Variants in SNX29 observed in about 807,000 individuals in gnomAD.
SNX29 encodes sorting nexin-29.
A neutral mutation model predicts 102.1 loss-of-function variants in SNX29; 78 were observed. The ratio of observed to expected loss-of-function variants is 0.76; its 90% CI spans 0.64 to 0.92. SNX29 has a LOEUF of 0.92. Ranked by LOEUF, SNX29 falls within the 40% of genes least tolerant of loss-of-function variation. The pLI is 0.00. For synonymous variants in SNX29, 580 were observed against 414.5 expected, an observed-to-expected ratio of 1.40 and a Z score of -4.85; for missense variants, 1,280 against 1,061.7, an observed-to-expected ratio of 1.21 and a Z score of -2.86.
intron 11 of SNX29, among the ~76,000 whole-genome samples, chr16:12,119,020 A>G (rs774396660): frequency 6.6e-6 from 1 of 152,188 alleles, no homozygotes; most frequent in Non-Finnish European, 1.5e-5. Flanking sequence ...CAGAACTCAT[A>G]CTTTAGGACA....
chr16:12,203,687 T>G (rs2141992911), intron 14 of SNX29, among the ~76,000 whole-genome samples: 1 of 152,324 alleles, frequency 6.6e-6, no homozygotes, highest in Non-Finnish European at 1.5e-5. Context: ...GTTGTTCTTG[T>G]GGAGGTCTTT....
At chr16:12,298,005 A>C (rs2080039005) in intron 15 of SNX29, among the ~76,000 whole-genome samples, 1 of 152,178 alleles carries the variant, frequency 6.6e-6, no homozygotes, top group East Asian at 1.9e-4. Flanking sequence ...GCCTGTCTCT[A>C]CTAAAAATAC....
chr16:12,342,709 G>A (rs1379077106), intron 15 of SNX29, among the ~76,000 whole-genome samples: 1 of 152,166 alleles, frequency 6.6e-6, no homozygotes, highest in South Asian at 2.1e-4. Context: ...AGAAACTGAG[G>A]TCCAGAGAGG....
At chr16:12,503,899 G>T (rs1415066965) in intron 19 of SNX29, among the ~76,000 whole-genome samples, 3 of 152,146 alleles carry the variant, frequency 2.0e-5, no homozygotes, top group Non-Finnish European at 4.4e-5. Context: ...GTTTTATTAA[G>T]ATAAAATTCA....
intron 1 of SNX29, among the ~76,000 whole-genome samples, chr16:11,980,193 G>C (rs1314577693): frequency 6.6e-6 from 1 of 152,016 alleles, no homozygotes; most frequent in African/African-American, 2.4e-5. Flanking sequence ...CAGACCCTGG[G>C]AACCACTCAT....
At chr16:12,538,690 C>G (rs775592448) in intron 20 of SNX29, among the ~76,000 whole-genome samples, 1 of 152,072 alleles carries the variant, frequency 6.6e-6, no homozygotes, top group African/African-American at 2.4e-5. Context: ...CTCCCAGGAC[C>G]AGTGGGCGAG....
At chr16:12,506,491 G>C (rs2089384893) in intron 19 of SNX29, among the ~76,000 whole-genome samples, 1 of 152,160 alleles carries the variant, frequency 6.6e-6, no homozygotes, top group Admixed American at 6.5e-5. Flanking sequence ...AAGAAGAAAA[G>C]TTATCTATTA....
At chr16:12,301,493 G>A (rs1011348682) in intron 15 of SNX29, among the ~76,000 whole-genome samples, 5 of 152,200 alleles carry the variant, frequency 3.3e-5, no homozygotes, top group African/African-American at 7.2e-5. Flanking sequence ...CAGTGTCACC[G>A]CCTCAGTGAG....
chr16:12,469,600 G>T (rs58463230), intron 18 of SNX29, among the ~76,000 whole-genome samples: 2 of 152,158 alleles, frequency 1.3e-5, no homozygotes, highest in Non-Finnish European at 2.9e-5. Flanking sequence ...AAAAGATGTG[G>T]TATAGGCTTT....
chr16:12,065,328 G>A (rs535142977), intron 9 of SNX29, among the ~76,000 whole-genome samples: 25 of 152,274 alleles, frequency 1.6e-4, no homozygotes, highest in African/African-American at 6.0e-4. Flanking sequence ...TTGCAAGGAA[G>A]GGAGAGCTAC....
intron 20 of SNX29, among the ~76,000 whole-genome samples, chr16:12,549,431 G>T (rs189114180): frequency 6.6e-6 from 1 of 152,208 alleles, no homozygotes; most frequent in Non-Finnish European, 1.5e-5. Flanking sequence ...GGAGGTGGAG[G>T]TTGCAGTGAC....
chr16:12,550,765 G>A (rs942019879), intron 20 of SNX29, among the ~76,000 whole-genome samples: 8 of 150,608 alleles, frequency 5.3e-5, no homozygotes, highest in Non-Finnish European at 1.2e-4. Context: ...AGTTGAAAAA[G>A]TGTAGAGGCT....
intron 20 of SNX29, among the ~76,000 whole-genome samples, chr16:12,548,900 A>T (rs1341847744): frequency 6.6e-6 from 1 of 152,074 alleles, no homozygotes; most frequent in African/African-American, 2.4e-5. Context: ...AGCAGCACTC[A>T]CTCGGGCTGT....
intron 14 of SNX29, among the ~76,000 whole-genome samples, chr16:12,220,371 G>A (rs1038193151): frequency 1.2e-4 from 19 of 152,046 alleles, no homozygotes; most frequent in African/African-American, 3.9e-4. Flanking sequence ...AGGCACAAAA[G>A]CCCTGGGAGG....
intron 18 of SNX29, among the ~76,000 whole-genome samples, chr16:12,418,217 A>G (rs1314313910): frequency 6.6e-6 from 1 of 152,164 alleles, no homozygotes; most frequent in Non-Finnish European, 1.5e-5. Flanking sequence ...CATATTTAAG[A>G]CAGCCTTAAC....
At chr16:12,507,240 C>T (rs1044782052) in intron 19 of SNX29, among the ~76,000 whole-genome samples, 1 of 152,210 alleles carries the variant, frequency 6.6e-6, no homozygotes, top group African/African-American at 2.4e-5. Flanking sequence ...TTTCCCATCA[C>T]ATCAAAGCAC....
chr16:12,454,248 C>G (rs1170896232), intron 18 of SNX29, among the ~76,000 whole-genome samples: 2 of 152,134 alleles, frequency 1.3e-5, no homozygotes, highest in African/African-American at 4.8e-5. Flanking sequence ...GATGGCAACT[C>G]TGCAGCTAAG....
At chr16:12,102,082 C>G (rs373380277) in intron 11 of SNX29, among the ~76,000 whole-genome samples, 1 of 152,196 alleles carries the variant, frequency 6.6e-6, no homozygotes, top group African/African-American at 2.4e-5. Context: ...CATGTCCCTG[C>G]AAAGAACACG....
chr16:12,461,754 C>A (rs747062407), intron 18 of SNX29, among the ~76,000 whole-genome samples: 6 of 151,254 alleles, frequency 4.0e-5, no homozygotes, highest in Non-Finnish European at 7.4e-5. Flanking sequence ...GTCGGAAGTT[C>A]AAGACCAGCT....
Sources: allele counts gnomAD v4.1 joint callset (sites outside exome capture counted in the v4.1 genomes callset), GRCh38; gene constraint gnomAD v4.1.1; transcripts MANE v1.5; gene names NCBI Gene and HGNC (gene_info 2026-07-23, HGNC 2026-07-21).